The following TBC1D24 variants were observed in gnomAD, a reference collection of about 807,000 sequenced individuals.
TBC1D24 encodes the protein TBC1 domain family member 24.
In TBC1D24, 47 loss-of-function variants were observed where a neutral mutation model predicts 50.7. That is an observed-to-expected ratio of 0.93 (90% CI 0.73 to 1.18). The LOEUF (loss-of-function observed/expected upper bound fraction) is 1.18. TBC1D24 is among the 50% of genes most tolerant of loss of function. The probability of loss-of-function intolerance (pLI) is 0.00; values close to 1 mark genes in which losing one functional copy is unlikely to be tolerated. For missense variants in TBC1D24, 688 were observed against 766.5 expected, an observed-to-expected ratio of 0.90 and a Z score of 1.21; for synonymous variants, 324 against 335.2, an observed-to-expected ratio of 0.97 and a Z score of 0.36.
Position 2,487,043 on chromosome 16 carries a change from AC to A in TBC1D24, c.-115-8990del, listed in dbSNP as rs2065656077. On this transcript the variant is annotated intron_variant, in intron 1 of 7. Coordinates refer to ENST00000646147, the MANE Select transcript of TBC1D24 (RefSeq NM_001199107.2). The surrounding 1 kb of genome is among the most constrained non-coding windows in gnomAD (Gnocchi z 4.1). ...AGATCTGATCGGGTCACCTGCCTAG[AC>A]TTTCCTCCTACCCCGTGTGGGGACA... 6.6e-6 allele frequency among the ~76,000 whole-genome samples: 1 copy of A among 152,000 alleles called. No individual in the cohort carries two copies.
Position 2,498,272 on chromosome 16 carries a change from T to C in TBC1D24, c.1018T>C (p.Phe340Leu). Residue 340 changes from phenylalanine to leucine, a missense_variant, in exon 4 of 8, where the codon TTC becomes CTC. Physicochemically the swap from Phe to Leu is conservative, Grantham distance 22 (BLOSUM62 0). Transcript: ENST00000646147. ...FVHLAVHAEN[F>L]RSEIVSVREM... is the part of the protein sequence containing the mutation. ...ACACTTGGCCGTCCATGCAGAGAAC[T>C]TCCGCTCGGAGATCGTCAGCGTGAG... 3 of 1,611,654 alleles carry C rather than the reference T, an allele frequency of 1.9e-6. No individual in the cohort carries two copies. Among genetic ancestry groups the C allele is most frequent in the Non-Finnish European group, 2.5e-6 (3 of 1,178,908 alleles).
intron 1 of TBC1D24, chr16:2,476,983 A>AT (rs1170057056): frequency 2.0e-5 from 3 of 152,214 alleles, no homozygotes; most frequent in Non-Finnish European, 4.4e-5. Flanking sequence ...AACATATTAA[A>AT]TGTTTGCCTT....
In TBC1D24 at chr16:2,500,226, C is replaced by G. The variant is rs770187053; in HGVS notation, c.1303-42C>G. ...TGTGGCTCTGGGGCAGAGGGGCCTG[C>G]GAACGCCCGCGCCAGCTCCTCACAC... On this transcript the variant is annotated intron_variant, in intron 6 of 7. Coordinates refer to ENST00000646147, the MANE Select transcript of TBC1D24 (RefSeq NM_001199107.2). The surrounding 1 kb of genome is among the most constrained non-coding windows in gnomAD (Gnocchi z 8.0). The G allele has an allele frequency of 9.3e-5, 141 of 1,516,968 alleles. No homozygotes were observed. Among genetic ancestry groups the G allele is most frequent in the Non-Finnish European group, 1.2e-4 (136 of 1,114,672 alleles). The allele number at this position is 1,516,968 out of a possible 1,614,324, so 94.0% of individuals were successfully genotyped here.
chr16:2,485,106 C>G lies in TBC1D24; in HGVS notation c.-116+9936C>G, dbSNP rs2065639051. The G allele has an allele frequency of 6.6e-6, 1 of 152,212 alleles. No homozygotes were observed. Among genetic ancestry groups the G allele is most frequent in the South Asian group, 2.1e-4 (1 of 4,822 alleles). 9.4% of individuals were successfully genotyped at this position (152,212 alleles called of 1,614,324 possible). ...GCACCTCTGTGATGTTGTGAAATAT[C>G]TATTTGGTCTTTGTCCTTGTTTAGT... On this transcript the variant is annotated intron_variant, in intron 1 of 7. Transcript: ENST00000646147. The surrounding 1 kb of genome is among the most constrained non-coding windows in gnomAD (Gnocchi z 4.6).
At chr16:2,498,942 C>G (rs1368768940) in intron 4 of TBC1D24, among the ~76,000 whole-genome samples, 5 of 152,264 alleles carry the variant, frequency 3.3e-5, no homozygotes. Context: ...TTTGGCACAG[C>G]TGGAGCCACT....
At position 2,486,861 on chromosome 16, in the gene TBC1D24, G is replaced by A. The variant is rs2065654717; in HGVS notation, c.-115-9173G>A. On this transcript the variant is annotated intron_variant, in intron 1 of 7. Transcript: ENST00000646147. This position sits in a 1 kb window ranked among gnomAD's most constrained non-coding sequence, Gnocchi z 5.8. ...AGTGGCCTGGGCTCTGACTGCCACT[G>A]TCAGGCCACGGTCCTGTGGGATCCA... Among the ~76,000 whole-genome samples, 3 of 152,208 alleles carry A rather than the reference G, an allele frequency of 2.0e-5. No homozygotes were observed. Among genetic ancestry groups the A allele is most frequent in the African/African-American group, 7.2e-5 (3 of 41,458 alleles).
rs1468286638 is a variant in TBC1D24 at position 2,500,263 on chromosome 16, C to G, written c.1303-5C>G. ...CCAGCTCCTCACACTCCCCTTCCAC[C>G]CCAGCTGCAGCCTGAGGTGCAGCGC... On this transcript the variant is annotated splice_polypyrimidine_tract_variant and splice_region_variant and intron_variant, in intron 6 of 7. Transcript: ENST00000646147. The surrounding 1 kb of genome is among the most constrained non-coding windows in gnomAD (Gnocchi z 8.0). The G allele has an allele frequency of 2.5e-6, 4 of 1,596,634 alleles. No homozygotes were observed. The highest frequency in any genetic ancestry group is 3.4e-6 in the Non-Finnish European group (4 of 1,172,288).
At chr16:2,494,915 T>C (rs2065724822) in intron 1 of TBC1D24, among the ~76,000 whole-genome samples, 1 of 152,036 alleles carries the variant, frequency 6.6e-6, no homozygotes, top group Non-Finnish European at 1.5e-5. Flanking sequence ...CTGCGCAACG[T>C]GACTCTCACT....
At chr16:2,481,539 A>T (rs1467183945) in intron 1 of TBC1D24, 1 of 152,196 alleles carries the variant, frequency 6.6e-6, no homozygotes, top group African/African-American at 2.4e-5. Flanking sequence ...ACCAATCAAA[A>T]TGCCTGTGCT....
Position 2,497,854 on chromosome 16 carries a change from C to T in TBC1D24, c.983+127C>T, listed in dbSNP as rs535275746. ...AGCTTCAGCAGCGCTGCCTCTGAGC[C>T]GGACTGATGCTCAGGCGCCTTCTGT... On this transcript the variant is annotated intron_variant, in intron 3 of 7. Transcript: ENST00000646147. 17 of 940,726 alleles carry T rather than the reference C, an allele frequency of 1.8e-5. No homozygotes were observed. In the South Asian group the frequency reaches 2.0e-4, roughly 11 times the overall value. 58.3% of individuals were successfully genotyped at this position (940,726 alleles called of 1,614,324 possible). A position where few individuals can be genotyped will look rare whatever the true frequency, so the allele number is the denominator to read the frequency against.
rs778930581 is a variant in TBC1D24 at position 2,498,402 on chromosome 16, A to T, written c.1142+6A>T. On this transcript the variant is annotated splice_donor_region_variant and intron_variant, in intron 4 of 7. Coordinates refer to ENST00000646147, the MANE Select transcript of TBC1D24 (RefSeq NM_001199107.2). The stretch of plus-strand genomic sequence containing the variant: ...CACGGGTACAGCCTGGCCAGGTAAC[A>T]CCCCAAGGGGCCAGAGCGGGCGGCA... The T allele has an allele frequency of 1.9e-6, 3 of 1,599,598 alleles. No homozygotes were observed. The highest frequency in any genetic ancestry group is 2.7e-5 in the African/African-American group (2 of 74,664).
At chr16:2,497,135 A>AG in intron 2 of TBC1D24, 22 bp downstream of exon 2, 1 of 1,599,216 alleles carries the variant, frequency 6.3e-7, no homozygotes, top group Non-Finnish European at 8.5e-7. Flanking sequence ...GCAGCCTGTG[A>AG]GGGGTACACC....
Position 2,475,709 on chromosome 16 carries a change from C to T in TBC1D24, c.-116+539C>T, listed in dbSNP as rs1309793178. On this transcript the variant is annotated intron_variant, in intron 1 of 7. Coordinates refer to ENST00000646147, the MANE Select transcript of TBC1D24 (RefSeq NM_001199107.2). The surrounding 1 kb of genome is among the most constrained non-coding windows in gnomAD (Gnocchi z 4.2). ...CCAGTGGGGGGCCCCTCTGGGTGCGCCGTGCCAGGCGGCCGCTGTCCTTCG... is the reference window on the plus strand; with the variant it reads ...CCAGTGGGGGGCCCCTCTGGGTGCGTCGTGCCAGGCGGCCGCTGTCCTTCG... Among the ~76,000 whole-genome samples, 2 of 151,700 alleles carry T rather than the reference C, an allele frequency of 1.3e-5. No individual in the cohort carries two copies. The highest frequency in any genetic ancestry group is 2.4e-5 in the African/African-American group (1 of 41,118).
rs368575199 is a variant in TBC1D24, at chr16:2,496,488, G to T, written c.340G>T (p.Val114Leu). 3 of 1,609,906 alleles carry T rather than the reference G, an allele frequency of 1.9e-6. No individual in the cohort carries two copies. The highest frequency in any genetic ancestry group is 1.7e-5 in the Admixed American group (1 of 59,998). ...YCLNARGEGAVRKILLCLANQ... is the reference protein window; with the variant it reads ...YCLNARGEGALRKILLCLANQ... Reference sequence around the variant, plus strand: ...CCTGAATGCACGCGGCGAGGGGGCCGTGCGCAAGATCCTCCTGTGCCTGGC... The same window carrying T: ...CCTGAATGCACGCGGCGAGGGGGCCTTGCGCAAGATCCTCCTGTGCCTGGC... Residue 114 changes from valine to leucine, a missense_variant, in exon 2 of 8, where the codon GTG becomes TTG. Coordinates refer to ENST00000646147, the MANE Select transcript of TBC1D24 (RefSeq NM_001199107.2).
At position 2,497,729 on chromosome 16, in the gene TBC1D24, T is replaced by A; in HGVS notation, c.983+2T>A. 1 of 1,536,138 alleles carries A rather than the reference T, an allele frequency of 6.5e-7. No homozygotes were observed. The highest frequency in any genetic ancestry group is 8.7e-7 in the Non-Finnish European group (1 of 1,146,886). ...TTTCAGTGTGTCACTTTCTAAAAGG[T>A]AGGTCTGAAACTGTATCTGCACACC... On this transcript the variant is annotated splice_donor_variant, in intron 3 of 7. Coordinates refer to ENST00000646147, the MANE Select transcript of TBC1D24 (RefSeq NM_001199107.2). LOFTEE classifies it high-confidence loss of function.
Position 2,499,545 on chromosome 16 carries a change from C to A in TBC1D24, c.1206+125C>A. 3 of 889,250 alleles carry A rather than the reference C, an allele frequency of 3.4e-6. No homozygotes were observed. In the Admixed American group the frequency reaches 6.0e-5, roughly 18 times the overall value. The allele number at this position is 889,250 out of a possible 1,614,324, so 55.1% of individuals were successfully genotyped here. Reference sequence around the variant, plus strand: ...TCCTGGGCCAGATCCAGAGTCAGAGCGTGGGTATGGCCAGCACATGGGGCT... The same window carrying A: ...TCCTGGGCCAGATCCAGAGTCAGAGAGTGGGTATGGCCAGCACATGGGGCT... On this transcript the variant is annotated intron_variant, in intron 5 of 7. Transcript: ENST00000646147. The surrounding 1 kb of genome is among the most constrained non-coding windows in gnomAD (Gnocchi z 4.0).
chr16:2,477,738 C>T, intron 1 of TBC1D24: 1 of 152,248 alleles, frequency 6.6e-6, no homozygotes, highest in Non-Finnish European at 1.5e-5. Flanking sequence ...GTGGACAGAG[C>T]CTTCTGTGGG....
In TBC1D24 at chr16:2,502,671, GTCC is replaced by G. The variant is rs1242265348; in HGVS notation, c.*1719_*1721del. The G allele has an allele frequency of 1.3e-5, 2 of 152,790 alleles. No individual in the cohort carries two copies. The highest frequency in any genetic ancestry group is 2.4e-5 in the African/African-American group (1 of 41,468). 9.5% of individuals were successfully genotyped at this position (152,790 alleles called of 1,614,324 possible). A position where few individuals can be genotyped will look rare whatever the true frequency, so the allele number is the denominator to read the frequency against. On this transcript the variant is annotated 3_prime_UTR_variant, in exon 8 of 8. Transcript: ENST00000646147. Reference sequence around the variant, plus strand: ...ATGGGGCCAGTCCCCATGCCCTGCTGTCCTCCTCACAGGACTGTTGAGAGGCTC... The same window carrying G: ...ATGGGGCCAGTCCCCATGCCCTGCTGTCCTCACAGGACTGTTGAGAGGCTC...
chr16:2,505,728 AAAG>A (rs2065829624), exon 8 of TBC1D24: 1 of 152,228 alleles, frequency 6.6e-6, no homozygotes, highest in Admixed American at 6.5e-5. Context: ...AGAACTGGTA[AAAG>A]AAGGTCACTG....
Sources: gnomAD v4.1 joint callset for allele counts (sites outside exome capture counted in the v4.1 genomes callset) on GRCh38, gnomAD v4.1.1 for gene constraint, Gnocchi (gnomAD v3.1) non-coding constraint, MANE v1.5 for transcripts, NCBI Gene and HGNC (gene_info 2026-07-23, HGNC 2026-07-21) for gene names.